G6PD: variants seen among roughly 807,000 people sequenced by gnomAD.
G6PD encodes the protein glucose-6-phosphate 1-dehydrogenase.
A neutral mutation model predicts 38.2 loss-of-function variants in G6PD; 2 were observed. The ratio of observed to expected loss-of-function variants is 0.05; its 90% CI spans 0.02 to 0.16. G6PD has a LOEUF of 0.16. G6PD is among the 10% of genes least tolerant of loss of function. The probability of loss-of-function intolerance (pLI) is 1.00; values close to 1 mark genes in which losing one functional copy is unlikely to be tolerated. For synonymous variants in G6PD, 188 were observed against 196.0 expected (o/e 0.96, Z 0.34); for missense variants, 310 against 471.6 (o/e 0.66, Z 3.17).
rs782216807 is a variant in G6PD at position 154,534,051 on chromosome X, C to T, written c.754G>A (p.Glu252Lys). The change falls in exon 7 of 13, where the codon GAA (glutamate) becomes AAA (lysine). Residue 252 changes from glutamate to lysine, a missense_variant. Around this residue, in one of 4 missense-constraint regions of G6PD, gnomAD observed 168 missense variants for 309.2 expected, o/e 0.54. Coordinates refer to ENST00000393562, the MANE Select transcript of G6PD (RefSeq NM_001360016.2). The stretch of plus-strand genomic sequence containing the variant: ...AGCTCTCACCGGATGATCCCAAATT[C>T]ATCGAAATAGCCCCCGCGACCCTCA... ...GTEGRGGYFD[E>K]FGIIRDVMQN... 22 of 1,210,076 alleles carry T rather than the reference C, an allele frequency of 1.8e-5. No individual in the cohort carries two copies. The Admixed American group carries it at 4.8e-4, about 26-fold the overall frequency.
At chrX:154,539,167 C>T (rs1201719384) in intron 2 of G6PD, among the ~76,000 whole-genome samples, 2 of 111,554 alleles carry the variant, frequency 1.8e-5, no homozygotes, top group Admixed American at 1.9e-4. Context: ...GCCGTTCCAC[C>T]CCAAGAGAAA....
chrX:154,534,328 T>C lies in G6PD; in HGVS notation c.644+10A>G. 2 of 1,211,207 alleles carry C rather than the reference T, an allele frequency of 1.7e-6. No individual in the cohort carries two copies. The highest frequency in any genetic ancestry group is 2.2e-5 in the Admixed American group (1 of 46,057). On this transcript the variant is annotated intron_variant, in intron 6 of 12. Coordinates refer to ENST00000393562, the MANE Select transcript of G6PD (RefSeq NM_001360016.2). The stretch of plus-strand genomic sequence containing the variant: ...CCCACCCTGGTCCCCCGGCCCAGGC[T>C]TGGCCCCACCTCAGCACCATGAGGT...
At chrX:154,532,485 C>G (rs373941982) in intron 10 of G6PD, 23 bp from the exon 11 acceptor site, 217 of 1,206,228 alleles carry the variant, frequency 1.8e-4, no homozygotes, top group Non-Finnish European at 2.2e-4. Context: ...GAGTGTCTTG[C>G]TGATGCCACT....
upstream of G6PD, chrX:154,547,196 G>A (rs1243538911): frequency 2.6e-6 from 1 of 377,634 alleles, no homozygotes; most frequent in Non-Finnish European, 3.4e-6. Context: ...GGCCTCGCGC[G>A]CTCGCGGAGG....
intron 1 of G6PD, among the ~76,000 whole-genome samples, chrX:154,546,379 G>A (rs1405016193): frequency 8.9e-6 from 1 of 112,072 alleles, no homozygotes; most frequent in Non-Finnish European, 1.9e-5. Context: ...CTTCATTCAG[G>A]GTGTACATTA....
intron 4 of G6PD, 134 bp from the exon 5 acceptor site, chrX:154,535,519 C>T (rs782080451): frequency 5.6e-5 from 32 of 576,494 alleles, no homozygotes; most frequent in African/African-American, 1.4e-4. Context: ...TCAGTGTCCC[C>T]GTCCCACACT....
upstream of G6PD, chrX:154,547,531 C>T: frequency 1.3e-6 from 1 of 755,046 alleles, no homozygotes. Context: ...GGATGCGGCC[C>T]TACCGCGGCC....
chrX:154,542,513 C>A, intron 2 of G6PD: 4 of 1,120,547 alleles, frequency 3.6e-6, no homozygotes, highest in Non-Finnish European at 4.7e-6. Context: ...GGAAGTGGCC[C>A]ACTTGGTAAC....
chrX:154,532,469 G>T lies in G6PD; in HGVS notation c.1288-7C>A. On this transcript the variant is annotated splice_region_variant and splice_polypyrimidine_tract_variant and intron_variant, in intron 10 of 12. Transcript: ENST00000393562. ...CGTCAGGGAGCTTCACGTTCTGTGAGGGAGAGAGTGTCTTGCTGATGCCAC... is the reference window on the plus strand; with the variant it reads ...CGTCAGGGAGCTTCACGTTCTGTGATGGAGAGAGTGTCTTGCTGATGCCAC... The T allele has an allele frequency of 8.3e-7, 1 of 1,210,709 alleles. No individual in the cohort carries two copies. The highest frequency in any genetic ancestry group is 1.1e-6 in the Non-Finnish European group (1 of 894,675).
intron 2 of G6PD, chrX:154,541,315 C>T (rs781876601): frequency 8.9e-6 from 1 of 111,842 alleles, no homozygotes; most frequent in South Asian, 3.7e-4. Context: ...ATTGAACCGG[C>T]TCACCTTGTT....
At chrX:154,546,957 C>A, upstream of G6PD, 2 of 363,585 alleles carry the variant, frequency 5.5e-6, no homozygotes, top group Non-Finnish European at 8.1e-6. Context: ...GCCACCACCC[C>A]TCGTGCGGGC....
At chrX:154,542,382 C>T in intron 2 of G6PD, 1 of 1,208,148 alleles carries the variant, frequency 8.3e-7, no homozygotes, top group Admixed American at 2.2e-5. Flanking sequence ...ATCGAGGTCC[C>T]ATCAGGTGGG....
intron 2 of G6PD, 198 bp downstream of exon 2, chrX:154,545,836 CAA>C (rs781893284): frequency 0.066 from 16,679 of 252,410 alleles, no homozygotes; most frequent in East Asian, 0.075. Context: ...ACTCCGTCTC[CAA>C]AAAAAAAAAA....
Position 154,531,652 on chromosome X carries a change from C to T in G6PD, c.*348G>A. 4.0e-6 allele frequency: 1 copy of T among 252,670 alleles called. No individual in the cohort carries two copies. Among genetic ancestry groups the T allele is most frequent in the Non-Finnish European group, 7.3e-6 (1 of 137,749 alleles). The allele number at this position is 252,670 out of a possible 1,213,427, so 20.8% of individuals were successfully genotyped here. On this transcript the variant is annotated 3_prime_UTR_variant, in exon 13 of 13. Coordinates refer to ENST00000393562, the MANE Select transcript of G6PD (RefSeq NM_001360016.2). ...CCCCTTTCCTCCCCCTCGTCCCTCC[C>T]TCCCACCCTGGCCCCACTCAGGAGT...
chrX:154,546,784 G>T lies in G6PD; in HGVS notation c.-9+5C>A. 8.6e-7 allele frequency: 1 copy of T among 1,158,440 alleles called. No homozygotes were observed. Among genetic ancestry groups the T allele is most frequent in the Non-Finnish European group, 1.1e-6 (1 of 870,162 alleles). On this transcript the variant is annotated splice_donor_5th_base_variant and intron_variant, in intron 1 of 12. Coordinates refer to ENST00000393562, the MANE Select transcript of G6PD (RefSeq NM_001360016.2). The stretch of plus-strand genomic sequence containing the variant: ...CGCCTGCGCGGCGCCCGCCCGGCCG[G>T]TTACCTGCGCTTCGTCGTCGTCGCC...
Position 154,531,766 on chromosome X carries a change from T to C in G6PD, c.*234A>G. 2.1e-6 allele frequency: 1 copy of C among 467,648 alleles called. No individual in the cohort carries two copies. The highest frequency in any genetic ancestry group is 3.8e-5 in the East Asian group (1 of 26,300). The allele number at this position is 467,648 out of a possible 1,213,427, so 38.5% of individuals were successfully genotyped here. A position where few individuals can be genotyped will look rare whatever the true frequency, so the allele number is the denominator to read the frequency against. On this transcript the variant is annotated 3_prime_UTR_variant, in exon 13 of 13. Coordinates refer to ENST00000393562, the MANE Select transcript of G6PD (RefSeq NM_001360016.2). ...GGCTGGAGTGAGTGGAGGAGGTGAC[T>C]CAGCTCCTGGGCTCAGGCAGGGTCT...
At chrX:154,546,849 G>A (rs782663603), upstream of G6PD, 6 of 1,130,673 alleles carry the variant, frequency 5.3e-6, no homozygotes, top group South Asian at 1.0e-4. Context: ...CCGTTTCCGG[G>A]GGCTGAGCCC....
intron 8 of G6PD, 136 bp from the exon 9 acceptor site, chrX:154,533,264 AGCTCAGGGCCCC>A (rs2070363514): frequency 1.1e-5 from 8 of 715,263 alleles, no homozygotes; most frequent in African/African-American, 2.1e-5. Context: ...CCAGAGGCCC[AGCTCAGGGCCCC>A]TCCCTGAGGA....
At chrX:154,535,084 G>C (rs1557230539) in intron 5 of G6PD, 84 bp downstream of exon 5, 7 of 971,142 alleles carry the variant, frequency 7.2e-6, no homozygotes, top group African/African-American at 5.6e-5. Flanking sequence ...CCAGATCCCC[G>C]GCCCCGGACA....
Sources: allele counts gnomAD v4.1 joint callset (sites outside exome capture counted in the v4.1 genomes callset), GRCh38; gene constraint gnomAD v4.1.1; regional missense constraint gnomAD v4.1.1; transcripts MANE v1.5; gene names NCBI Gene and HGNC (gene_info 2026-07-23, HGNC 2026-07-21).